Variants in SORCS1 observed in about 807,000 individuals in gnomAD.
SORCS1 encodes VPS10 domain-containing receptor SorCS1.
A neutral mutation model predicts 146.1 loss-of-function variants in SORCS1; 60 were observed. That is an observed-to-expected ratio of 0.41 (90% confidence interval 0.33 to 0.51). The LOEUF (loss-of-function observed/expected upper bound fraction) is 0.51, where lower values mean the gene tolerates loss of function less well. Among genes scored for constraint, SORCS1 ranks in the 20% least tolerant of loss-of-function variants. SORCS1 has a pLI of 0.21. For synonymous variants in SORCS1, 637 were observed against 584.0 expected (o/e 1.09, Z -1.31); for missense variants, 1,352 against 1,487.6 (o/e 0.91, Z 1.50).
chr10:106,726,259 A>AT (rs149433944), intron 6 of SORCS1, among the ~76,000 whole-genome samples: 4,518 of 100,432 alleles, frequency 0.045, 261 homozygotes, highest in African/African-American at 0.15. Context: ...CAATTGGTAG[A>AT]TTTTTTTTTT....
chr10:106,878,650 T>TATATATATATATATATATATATA (rs1344451408), intron 2 of SORCS1, among the ~76,000 whole-genome samples: 2 of 66,832 alleles, frequency 3.0e-5, no homozygotes, highest in East Asian at 4.2e-4. Flanking sequence ...ATATATATAT[T>TATATATATATATATATATATATA]TTATAGCAGC....
At chr10:106,991,119 T>G (rs899382289) in intron 1 of SORCS1, among the ~76,000 whole-genome samples, 5 of 152,212 alleles carry the variant, frequency 3.3e-5, no homozygotes, top group African/African-American at 1.2e-4. Flanking sequence ...AAATACCAGG[T>G]ACAGCATAGA....
At chr10:106,638,294 A>T (rs1034159957) in intron 18 of SORCS1, among the ~76,000 whole-genome samples, 5 of 152,224 alleles carry the variant, frequency 3.3e-5, no homozygotes, top group Non-Finnish European at 7.3e-5. Flanking sequence ...TATATACTTT[A>T]AAAATGGTAG....
rs1845977893 is a variant in SORCS1 at position 106,597,526 on chromosome 10, T to C, written c.3166-76A>G. ...AACCAATAAGCTTAGAAATATTTACTATTTTCACCAAGGTATCACAATATT... is the reference window on the plus strand; with the variant it reads ...AACCAATAAGCTTAGAAATATTTACCATTTTCACCAAGGTATCACAATATT... On this transcript the variant is annotated intron_variant, in intron 23 of 25. Coordinates refer to ENST00000263054, the MANE Select transcript of SORCS1 (RefSeq NM_052918.5). 7 of 1,120,330 alleles carry C rather than the reference T, an allele frequency of 6.2e-6. No individual in the cohort carries two copies. In the Admixed American group the frequency reaches 1.3e-4, roughly 21 times the overall value. The allele number at this position is 1,120,330 out of a possible 1,614,324, so 69.4% of individuals were successfully genotyped here. A position where few individuals can be genotyped will look rare whatever the true frequency, so the allele number is the denominator to read the frequency against.
the SORCS1 span, among the ~76,000 whole-genome samples, chr10:107,170,381 G>A: frequency 6.6e-6 from 1 of 152,128 alleles, no homozygotes; most frequent in Non-Finnish European, 1.5e-5. Context: ...CTAGAGGAGA[G>A]AAGACAAAAG....
chr10:106,899,836 C>T (rs1338069578), intron 2 of SORCS1, among the ~76,000 whole-genome samples: 1 of 152,040 alleles, frequency 6.6e-6, no homozygotes, highest in African/African-American at 2.4e-5. Flanking sequence ...CAAATGAATG[C>T]TTCCTTCCAA....
intron 1 of SORCS1, among the ~76,000 whole-genome samples, chr10:107,102,047 G>C (rs898854681): frequency 2.0e-5 from 3 of 152,058 alleles, no homozygotes; most frequent in African/African-American, 7.2e-5. Context: ...AAACATAAGG[G>C]AGCTTTCTGG....
At chr10:106,982,009 C>T (rs949028600) in intron 1 of SORCS1, among the ~76,000 whole-genome samples, 1 of 152,164 alleles carries the variant, frequency 6.6e-6, no homozygotes, top group Non-Finnish European at 1.5e-5. Flanking sequence ...TGTGGAGTTC[C>T]AAGTTCCAGG....
rs34494927 is a variant in SORCS1, at chr10:106,984,394, A to ATTTTT, written c.559-27819_559-27815dup. Among the ~76,000 whole-genome samples the ATTTTT allele has an allele frequency of 4.5e-3, 607 of 134,056 alleles. 9 individuals are homozygous for ATTTTT. The highest frequency in any genetic ancestry group is 5.8e-3 in the African/African-American group (206 of 35,760). 87.9% of individuals were successfully genotyped at this position (134,056 alleles called of 152,430 possible). Reference sequence around the variant, plus strand: ...TCTCAGAAATTAAATAGTGATTTCCATTTTTTTTTTTTTTTTTGAGACAGA... The same window carrying ATTTTT: ...TCTCAGAAATTAAATAGTGATTTCCATTTTTTTTTTTTTTTTTTTTTTGAGACAGA... On this transcript the variant is annotated intron_variant, in intron 1 of 25. Coordinates refer to ENST00000263054, the MANE Select transcript of SORCS1 (RefSeq NM_052918.5).
At chr10:107,116,368 T>C (rs995996122) in intron 1 of SORCS1, among the ~76,000 whole-genome samples, 25 of 152,100 alleles carry the variant, frequency 1.6e-4, no homozygotes, top group African/African-American at 6.0e-4. Flanking sequence ...AATCAAAGTG[T>C]CCATTGCTGG....
chr10:106,904,338 T>C (rs1951829434), intron 2 of SORCS1, among the ~76,000 whole-genome samples: 1 of 152,186 alleles, frequency 6.6e-6, no homozygotes, highest in Non-Finnish European at 1.5e-5. Context: ...TCAAGACACA[T>C]AAGGGCCTTC....
chr10:106,797,107 A>C (rs889487240), intron 3 of SORCS1, among the ~76,000 whole-genome samples: 7 of 152,182 alleles, frequency 4.6e-5, no homozygotes, highest in Non-Finnish European at 1.0e-4. Flanking sequence ...ACTCAGTCTC[A>C]AAAAGATAAT....
Position 106,931,661 on chromosome 10 carries a change from G to A in SORCS1, c.626+24852C>T, listed in dbSNP as rs369715296. Among the ~76,000 whole-genome samples the A allele has an allele frequency of 1.2e-4, 19 of 152,244 alleles. No individual in the cohort carries two copies. In the South Asian group the frequency reaches 2.7e-3, roughly 22 times the overall value. On this transcript the variant is annotated intron_variant, in intron 2 of 25. Coordinates refer to ENST00000263054, the MANE Select transcript of SORCS1 (RefSeq NM_052918.5). The stretch of plus-strand genomic sequence containing the variant: ...TCAGAGATGTTGCCTTATGAATAAT[G>A]GAAACTTTCAAGAATGATTTTGGTT...
chr10:106,749,485 C>T (rs1857989652), intron 5 of SORCS1, among the ~76,000 whole-genome samples: 1 of 152,190 alleles, frequency 6.6e-6, no homozygotes, highest in African/African-American at 2.4e-5. Flanking sequence ...ATGGAAGGAA[C>T]TGTGTTTCCT....
chr10:106,794,331 G>A (rs1237154415), intron 3 of SORCS1, among the ~76,000 whole-genome samples: 1 of 152,066 alleles, frequency 6.6e-6, no homozygotes, highest in Non-Finnish European at 1.5e-5. Context: ...TCTTATTGAT[G>A]TAAGGGGAAA....
intron 1 of SORCS1, among the ~76,000 whole-genome samples, chr10:107,039,642 T>C (rs945985158): frequency 1.3e-4 from 20 of 152,168 alleles, no homozygotes; most frequent in African/African-American, 4.8e-4. Flanking sequence ...CCTCTCAGTC[T>C]CAGCAGTCAC....
intron 1 of SORCS1, among the ~76,000 whole-genome samples, chr10:107,024,097 C>T (rs898467108): frequency 4.0e-5 from 6 of 150,212 alleles, no homozygotes; most frequent in African/African-American, 1.2e-4. Flanking sequence ...TCGCTTGAAT[C>T]CCGGAGGTGG....
chr10:106,923,082 G>C (rs958884729), intron 2 of SORCS1, among the ~76,000 whole-genome samples: 58 of 152,160 alleles, frequency 3.8e-4, no homozygotes, highest in African/African-American at 1.3e-3. Flanking sequence ...GTAGAGACGG[G>C]GTTTCACGAT....
intron 2 of SORCS1, among the ~76,000 whole-genome samples, chr10:106,921,126 T>G (rs187923652): frequency 4.8e-4 from 73 of 152,304 alleles, no homozygotes; most frequent in African/African-American, 1.7e-3. Context: ...CCATTTTGAT[T>G]ATCTCAGTCA....
Sources: gnomAD v4.1 joint callset for allele counts (sites outside exome capture counted in the v4.1 genomes callset) on GRCh38, gnomAD v4.1.1 for gene constraint, MANE v1.5 for transcripts, NCBI Gene and HGNC (gene_info 2026-07-23, HGNC 2026-07-21) for gene names.